Variants in PJA2 observed in about 807,000 individuals in gnomAD.
PJA2 encodes praja ring finger ubiquitin ligase 2.
Under a neutral mutation model 69.3 loss-of-function variants are expected in PJA2, and 25 were observed. The ratio of observed to expected loss-of-function variants is 0.36; its 90% CI spans 0.26 to 0.50. The LOEUF is 0.50. PJA2 is among the 20% of genes least tolerant of loss of function. The pLI, the probability that PJA2 is intolerant of heterozygous loss-of-function variation, is 0.96. For synonymous variants in PJA2, 308 were observed against 277.8 expected, an observed-to-expected ratio of 1.11 and a Z score of -1.08; for missense variants, 809 against 830.2, an observed-to-expected ratio of 0.97 and a Z score of 0.31.
At chr5:109,407,952 A>C (rs1747727541) in intron 1 of PJA2, among the ~76,000 whole-genome samples, 1 of 152,204 alleles carries the variant, frequency 6.6e-6, no homozygotes, top group Non-Finnish European at 1.5e-5. Context: ...AACCTTATTC[A>C]AAATAGCTAA....
At chr5:109,342,364 C>T (rs867108290) in intron 9 of PJA2, among the ~76,000 whole-genome samples, 1,117 of 79,526 alleles carry the variant, frequency 0.014, no homozygotes, top group Admixed American at 0.025. Context: ...CCGCCCCGTC[C>T]GGGAGGGAGG....
rs1416677274 is a variant in PJA2 at position 109,353,406 on chromosome 5, TATC to T, written c.1764+2506_1764+2508del. On this transcript the variant is annotated intron_variant, in intron 7 of 9. Transcript: ENST00000361189. ...TAGACATCTATATATTAGATACCTA[TATC>T]TATAGACATCTATATATTAGATACC... 8.9e-5 allele frequency among the ~76,000 whole-genome samples: 12 copies of T among 135,206 alleles called. 1 individual carries two copies. In the South Asian group the frequency reaches 1.2e-3, roughly 14 times the overall value. 88.7% of individuals were successfully genotyped at this position (135,206 alleles called of 152,430 possible).
At chr5:109,338,704 TG>T (rs1761988937) in intron 9 of PJA2, among the ~76,000 whole-genome samples, 1 of 151,814 alleles carries the variant, frequency 6.6e-6, no homozygotes, top group Non-Finnish European at 1.5e-5. Context: ...CCATACAGAT[TG>T]GGCCCCAACA....
chr5:109,340,617 TCCCTCCC>T (rs1762026227), intron 9 of PJA2, among the ~76,000 whole-genome samples: 1 of 2,678 alleles, frequency 3.7e-4, no homozygotes, highest in Non-Finnish European at 6.6e-4. Flanking sequence ...ATTTATTGGG[TCCCTCCC>T]CCTCCCCCTC....
intron 1 of PJA2, among the ~76,000 whole-genome samples, chr5:109,398,779 A>C (rs188019862): frequency 7.5e-6 from 1 of 133,648 alleles, no homozygotes; most frequent in Non-Finnish European, 1.7e-5. Flanking sequence ...AGTATAATTT[A>C]AAAAAAAAAG....
intron 4 of PJA2, among the ~76,000 whole-genome samples, chr5:109,377,652 C>T (rs559871381): frequency 1.3e-5 from 2 of 152,032 alleles, no homozygotes; most frequent in Admixed American, 6.6e-5. Flanking sequence ...CCTCAGTTTC[C>T]TTATTTACAA....
chr5:109,385,755 A>G (rs1352847422), intron 1 of PJA2, among the ~76,000 whole-genome samples: 1 of 152,172 alleles, frequency 6.6e-6, no homozygotes, highest in African/African-American at 2.4e-5. Flanking sequence ...GAGATTGAGT[A>G]TCCCTTTTCC....
intron 7 of PJA2, among the ~76,000 whole-genome samples, chr5:109,351,357 GA>G (rs1344105523): frequency 6.6e-6 from 1 of 152,022 alleles, no homozygotes; most frequent in Non-Finnish European, 1.5e-5. Flanking sequence ...ACTGGGAAAG[GA>G]AAATGCCTCC....
At chr5:109,377,119 AATT>A (rs1224588767) in intron 4 of PJA2, among the ~76,000 whole-genome samples, 2 of 152,138 alleles carry the variant, frequency 1.3e-5, no homozygotes, top group Non-Finnish European at 2.9e-5. Flanking sequence ...GAGCAGCAGA[AATT>A]ATATTTTAAA....
intron 9 of PJA2, among the ~76,000 whole-genome samples, chr5:109,342,317 G>A (rs1762083608): frequency 8.3e-6 from 1 of 120,996 alleles, no homozygotes; most frequent in African/African-American, 3.2e-5. Context: ...GCCCTGTCCG[G>A]GAGGGAGGTG....
intron 1 of PJA2, among the ~76,000 whole-genome samples, chr5:109,396,365 TCAGC>T (rs145112216): frequency 0.038 from 5,715 of 151,714 alleles, 110 homozygotes; most frequent in Middle Eastern, 0.052. Context: ...TGGTGAAATG[TCAGC>T]ATCATTTTCT....
chr5:109,364,832 T>C (rs1057126333), intron 5 of PJA2, among the ~76,000 whole-genome samples: 2 of 151,260 alleles, frequency 1.3e-5, no homozygotes, highest in Non-Finnish European at 3.0e-5. Context: ...AGGCAAAGGA[T>C]ATAATAATTA....
chr5:109,383,031 T>C (rs1008179564), intron 2 of PJA2, among the ~76,000 whole-genome samples: 3 of 152,154 alleles, frequency 2.0e-5, no homozygotes, highest in Non-Finnish European at 2.9e-5. Context: ...ATCAGTAATC[T>C]TGAGGTGGAT....
At chr5:109,408,064 A>G (rs1026856719) in intron 1 of PJA2, among the ~76,000 whole-genome samples, 2 of 152,180 alleles carry the variant, frequency 1.3e-5, no homozygotes, top group Admixed American at 1.3e-4. Flanking sequence ...AAGGGTTACC[A>G]AAATTTAAAA....
chr5:109,382,779 C>T (rs1747079986), intron 2 of PJA2, among the ~76,000 whole-genome samples: 2 of 149,948 alleles, frequency 1.3e-5, no homozygotes, highest in African/African-American at 4.9e-5. Context: ...ACCCAGGAGG[C>T]GGAGGTTGCA....
rs1180390556 is a variant in PJA2 at position 109,334,853 on chromosome 5, A to G, written c.*2378T>C. The G allele has an allele frequency of 6.6e-6, 1 of 152,650 alleles. No homozygotes were observed. The highest frequency in any genetic ancestry group is 2.4e-5 in the African/African-American group (1 of 41,454). The allele number at this position is 152,650 out of a possible 1,614,324, so 9.5% of individuals were successfully genotyped here. ...CTTGCATTCCATTTTAACAATTCGT[A>G]TGTATCTAACAAATACATAAATCCA... On this transcript the variant is annotated 3_prime_UTR_variant, in exon 10 of 10. Transcript: ENST00000361189.
At position 109,378,783 on chromosome 5, in the gene PJA2, G is replaced by A; in HGVS notation, c.704C>T (p.Ser235Phe). The change falls in exon 4 of 10, where the codon TCT becomes TTT. Residue 235 changes from serine (S) to phenylalanine (F), a missense_variant. Ser to Phe is a radical substitution (Grantham distance 155, BLOSUM62 -2). This residue lies in a region of PJA2 where 700 missense variants were observed against 639.5 expected (regional missense o/e 1.09). Coordinates refer to ENST00000361189, the MANE Select transcript of PJA2 (RefSeq NM_014819.5). The part of the protein sequence containing the change: ...EVRDEFEELD[S>F]VPLVKSSAGD... ...AGCAGAACTTTTCACTAATGGTACA[G>A]AATCTAACTCTTCAAACTCATCTCT... 1 of 1,612,562 alleles carries A rather than the reference G, an allele frequency of 6.2e-7. No homozygotes were observed. The highest frequency in any genetic ancestry group is 1.7e-5 in the Admixed American group (1 of 60,024).
chr5:109,374,372 A>G (rs1746781278), intron 4 of PJA2, among the ~76,000 whole-genome samples: 1 of 152,236 alleles, frequency 6.6e-6, no homozygotes, highest in South Asian at 2.1e-4. Flanking sequence ...GGCTGCATAT[A>G]GATGTTTTAT....
intron 7 of PJA2, among the ~76,000 whole-genome samples, chr5:109,351,114 C>T (rs924119665): frequency 2.8e-5 from 3 of 107,936 alleles, no homozygotes; most frequent in African/African-American, 8.5e-5. Flanking sequence ...CAATCCTTTG[C>T]TTAAAAAAAA....
Sources: allele counts gnomAD v4.1 joint callset (sites outside exome capture counted in the v4.1 genomes callset), GRCh38; gene constraint gnomAD v4.1.1; regional missense constraint gnomAD v4.1.1; transcripts MANE v1.5; gene names NCBI Gene and HGNC (gene_info 2026-07-23, HGNC 2026-07-21).